The following ADAMTS19 variants were observed in gnomAD, a reference collection of about 807,000 sequenced individuals.
ADAMTS19 encodes the protein ADAM metallopeptidase with thrombospondin type 1 motif 19.
ADAMTS19 carries 93 observed loss-of-function variants against 153.3 expected under a neutral mutation model. That is an observed-to-expected ratio of 0.61 (90% CI 0.51 to 0.72). ADAMTS19 has a LOEUF of 0.72. Ranked by LOEUF, ADAMTS19 falls within the 30% of genes least tolerant of loss-of-function variation. The pLI is 0.00. For synonymous variants in ADAMTS19, 600 were observed against 556.6 expected (o/e 1.08, Z -1.10); for missense variants, 1,482 against 1,552.1 (o/e 0.95, Z 0.76).
At chr5:129,690,608 A>G (rs1755289950) in intron 18 of ADAMTS19, among the ~76,000 whole-genome samples, 1 of 152,170 alleles carries the variant, frequency 6.6e-6, no homozygotes, top group South Asian at 2.1e-4. Flanking sequence ...TTTAATGTAA[A>G]AAAAGGATAA....
chr5:129,681,138 A>C (rs1168675381), intron 17 of ADAMTS19, among the ~76,000 whole-genome samples: 1 of 152,234 alleles, frequency 6.6e-6, no homozygotes, highest in Non-Finnish European at 1.5e-5. Context: ...GCTAGTCTAG[A>C]AGCCAGAGGT....
At chr5:129,516,241 GT>G (rs1328927849) in intron 3 of ADAMTS19, among the ~76,000 whole-genome samples, 5 of 137,230 alleles carry the variant, frequency 3.6e-5, no homozygotes, top group East Asian at 2.2e-4. Flanking sequence ...TTAGCCTGTA[GT>G]TTTTTTTTTA....
chr5:129,616,606 T>A (rs1751541489), intron 8 of ADAMTS19, among the ~76,000 whole-genome samples: 1 of 151,980 alleles, frequency 6.6e-6, no homozygotes, highest in Non-Finnish European at 1.5e-5. Flanking sequence ...AGCTGAGAAG[T>A]TTTATAAGAT....
intron 21 of ADAMTS19, among the ~76,000 whole-genome samples, chr5:129,726,538 G>A (rs957099278): frequency 1.6e-4 from 24 of 152,088 alleles, no homozygotes; most frequent in Admixed American, 7.2e-4. Flanking sequence ...GAAGGGAGAA[G>A]GGAAGGAAGG....
At chr5:129,542,900 G>C (rs1437330630) in intron 6 of ADAMTS19, among the ~76,000 whole-genome samples, 1 of 151,910 alleles carries the variant, frequency 6.6e-6, no homozygotes, top group Non-Finnish European at 1.5e-5. Context: ...GACTTTTAAG[G>C]AGTATGGAAG....
rs746949331 is a variant in ADAMTS19 at position 129,549,990 on chromosome 5, ATATG to A, written c.1329-1870_1329-1867del. ...TAGATATACATATACATGTATCTGTATATGTATCTAGATATACATATACATGTAT... is the reference window on the plus strand; with the variant it reads ...TAGATATACATATACATGTATCTGTATATCTAGATATACATATACATGTAT... On this transcript the variant is annotated intron_variant, in intron 6 of 22. Transcript: ENST00000274487. 1.3e-3 allele frequency among the ~76,000 whole-genome samples: 158 copies of A among 118,206 alleles called. 1 individual carries two copies. The highest frequency in any genetic ancestry group is 4.3e-3 in the African/African-American group (139 of 32,406). 77.5% of individuals were successfully genotyped at this position (118,206 alleles called of 152,430 possible). A position where few individuals can be genotyped will look rare whatever the true frequency, so the allele number is the denominator to read the frequency against.
intron 21 of ADAMTS19, among the ~76,000 whole-genome samples, chr5:129,707,261 A>G (rs1182969105): frequency 1.3e-5 from 2 of 152,148 alleles, no homozygotes; most frequent in Non-Finnish European, 1.5e-5. Flanking sequence ...CCCAAAGAAG[A>G]TTGTATTCAT....
intron 7 of ADAMTS19, among the ~76,000 whole-genome samples, chr5:129,567,113 T>A (rs1753744391): frequency 6.6e-6 from 1 of 152,066 alleles, no homozygotes; most frequent in Non-Finnish European, 1.5e-5. Flanking sequence ...CTAAAATTTC[T>A]TTGAGAACAG....
intron 2 of ADAMTS19, among the ~76,000 whole-genome samples, chr5:129,496,965 G>A (rs565038966): frequency 2.1e-3 from 317 of 152,178 alleles, no homozygotes; most frequent in African/African-American, 7.2e-3. Flanking sequence ...AAGCCACGTT[G>A]TTATGACTTT....
chr5:129,671,961 C>T (rs980846872), intron 16 of ADAMTS19, among the ~76,000 whole-genome samples: 2 of 152,062 alleles, frequency 1.3e-5, no homozygotes, highest in Admixed American at 6.6e-5. Context: ...TTATAATGTA[C>T]CTGTCATTTA....
Position 129,658,609 on chromosome 5 carries a change from T to C in ADAMTS19, c.2305-8T>C. On this transcript the variant is annotated splice_region_variant and splice_polypyrimidine_tract_variant and intron_variant, in intron 14 of 22. Coordinates refer to ENST00000274487, the MANE Select transcript of ADAMTS19 (RefSeq NM_133638.6). ...TATTTATGATGTGCTGTCACTCTCT[T>C]GTTACAGAAAGTTGGCTGTGATGGT... The C allele has an allele frequency of 6.2e-7, 1 of 1,610,296 alleles. No individual in the cohort carries two copies. Among genetic ancestry groups the C allele is most frequent in the Non-Finnish European group, 8.5e-7 (1 of 1,178,578 alleles).
rs552508590 is a variant in ADAMTS19, at chr5:129,688,803, C to T, written c.2818+4530C>T. Among the ~76,000 whole-genome samples, 4 of 152,240 alleles carry T rather than the reference C, an allele frequency of 2.6e-5. 1 individual carries two copies. Among genetic ancestry groups the T allele is most frequent in the African/African-American group, 9.6e-5 (4 of 41,544 alleles). On this transcript the variant is annotated intron_variant, in intron 18 of 22. Transcript: ENST00000274487. ...TAAAACTAGTTCTTTTATTTTCAAA[C>T]AGCTTGAAATGTTTTTGTGAAAGAA...
intron 19 of ADAMTS19, among the ~76,000 whole-genome samples, chr5:129,696,638 T>C (rs1249512812): frequency 6.6e-6 from 1 of 152,182 alleles, no homozygotes; most frequent in Non-Finnish European, 1.5e-5. Context: ...CTTGGTTTTA[T>C]ATGTTTTAGG....
intron 15 of ADAMTS19, among the ~76,000 whole-genome samples, chr5:129,659,121 C>G (rs1183496887): frequency 6.6e-6 from 1 of 152,094 alleles, no homozygotes; most frequent in African/African-American, 2.4e-5. Flanking sequence ...TGGTTTTCAG[C>G]TTTCCATCTT....
intron 16 of ADAMTS19, among the ~76,000 whole-genome samples, chr5:129,666,843 C>A (rs1222630924): frequency 6.6e-6 from 1 of 152,150 alleles, no homozygotes; most frequent in African/African-American, 2.4e-5. Flanking sequence ...TGTTATTACA[C>A]TTGCATGTAT....
Position 129,548,736 on chromosome 5 carries a change from T to C in ADAMTS19, c.1329-3128T>C, listed in dbSNP as rs1752955989. ...AAAGACACATGCACACGTATGTTCA[T>C]TGCAGCACTATTTACAATAGCAAAG... On this transcript the variant is annotated intron_variant, in intron 6 of 22. Transcript: ENST00000274487. Among the ~76,000 whole-genome samples, 4 of 152,080 alleles carry C rather than the reference T, an allele frequency of 2.6e-5. No homozygotes were observed. The South Asian group carries it at 6.2e-4, about 24-fold the overall frequency.
At chr5:129,591,093 G>C (rs1303980077) in intron 7 of ADAMTS19, among the ~76,000 whole-genome samples, 1 of 152,082 alleles carries the variant, frequency 6.6e-6, no homozygotes, top group Non-Finnish European at 1.5e-5. Flanking sequence ...CCTTTGTTCA[G>C]GGACTCCCTC....
At chr5:129,574,691 C>T (rs1216488858) in intron 7 of ADAMTS19, among the ~76,000 whole-genome samples, 1 of 151,674 alleles carries the variant, frequency 6.6e-6, no homozygotes, top group Non-Finnish European at 1.5e-5. Context: ...TTATAATAAG[C>T]CTGTTTTGCT....
Position 129,559,063 on chromosome 5 carries a change from T to C in ADAMTS19, c.1372+7156T>C, listed in dbSNP as rs1353165945. Among the ~76,000 whole-genome samples the C allele has an allele frequency of 2.6e-5, 4 of 152,062 alleles. No homozygotes were observed. The East Asian group carries it at 7.7e-4, about 29-fold the overall frequency. On this transcript the variant is annotated intron_variant, in intron 7 of 22. Transcript: ENST00000274487. ...AGCTTCTGTCAGGGAGAGGATACCA[T>C]ATTTCATGGATTTTAAAGTATCTTC...
Sources: gnomAD v4.1 joint callset for allele counts (sites outside exome capture counted in the v4.1 genomes callset) on GRCh38, gnomAD v4.1.1 for gene constraint, MANE v1.5 for transcripts, NCBI Gene and HGNC (gene_info 2026-07-23, HGNC 2026-07-21) for gene names.